TIAM2: variants seen among roughly 807,000 people sequenced by gnomAD.
TIAM2 encodes the protein rho guanine nucleotide exchange factor TIAM2.
Under a neutral mutation model 152.9 loss-of-function variants are expected in TIAM2, and 80 were observed. The observed-to-expected ratio is 0.52, with a 90% CI of 0.44 to 0.63. TIAM2 has a LOEUF of 0.63. Among genes scored for constraint, TIAM2 ranks in the 30% least tolerant of loss-of-function variants. TIAM2 has a pLI of 0.00. For missense variants in TIAM2, 1,965 were observed against 2,120.1 expected (o/e 0.93, Z 1.44); for synonymous variants, 804 against 838.0 (o/e 0.96, Z 0.70).
At chr6:155,251,498 A>T (rs1320163182) in intron 22 of TIAM2, among the ~76,000 whole-genome samples, 1 of 151,922 alleles carries the variant, frequency 6.6e-6, no homozygotes, top group African/African-American at 2.4e-5. Flanking sequence ...TGCTGGCCAG[A>T]CTGGTCTCGA....
intron 16 of TIAM2, among the ~76,000 whole-genome samples, chr6:155,242,037 G>A (rs886074668): frequency 3.9e-5 from 6 of 152,224 alleles, no homozygotes; most frequent in African/African-American, 1.4e-4. Context: ...TCAGTGACAG[G>A]CTGGCAGAGT....
intron 2 of TIAM2, 23 bp from the exon 3 acceptor site, chr6:155,127,465 GTT>G (rs978405258): frequency 9.3e-6 from 4 of 431,364 alleles, no homozygotes; most frequent in African/African-American, 8.2e-5. Context: ...GCTTCACAGA[GTT>G]TTCTTGCGTT....
intron 2 of TIAM2, among the ~76,000 whole-genome samples, chr6:155,118,862 C>CTTT (rs1377744094): frequency 2.1e-4 from 31 of 148,172 alleles, no homozygotes; most frequent in East Asian, 1.6e-3. Context: ...AATGTGTGTG[C>CTTT]TTTTTTTTTT....
At chr6:155,003,562 C>G (rs565171284) in intron 1 of TIAM2, among the ~76,000 whole-genome samples, 29 of 152,284 alleles carry the variant, frequency 1.9e-4, no homozygotes, top group African/African-American at 6.7e-4. Context: ...GTGGAAGACT[C>G]GACGCTCCCA....
chr6:155,185,753 C>T (rs1438455831), intron 14 of TIAM2, among the ~76,000 whole-genome samples: 1 of 152,160 alleles, frequency 6.6e-6, no homozygotes, highest in Non-Finnish European at 1.5e-5. Context: ...GTGGGAGCCA[C>T]TAACCCTTTC....
At chr6:155,144,861 TG>T in intron 6 of TIAM2, 83 bp downstream of exon 6, 1 of 1,428,732 alleles carries the variant, frequency 7.0e-7, no homozygotes, top group South Asian at 1.4e-5. Context: ...AACTTGGAAA[TG>T]AAATTGAATA....
At chr6:155,189,645 A>G (rs1005472042) in intron 14 of TIAM2, among the ~76,000 whole-genome samples, 3 of 152,216 alleles carry the variant, frequency 2.0e-5, no homozygotes, top group African/African-American at 7.2e-5. Flanking sequence ...TCGAAGGTAC[A>G]TAAAGGTGAA....
chr6:155,256,460 C>A (rs200250900), intron 26 of TIAM2, 24 bp from the exon 27 acceptor site: 1 of 1,613,862 alleles, frequency 6.2e-7, no homozygotes, highest in Admixed American at 1.7e-5. Context: ...TGTATCACAG[C>A]GAAATGTGTT....
chr6:155,073,197 C>G (rs1777880469), intron 1 of TIAM2, among the ~76,000 whole-genome samples: 1 of 132,748 alleles, frequency 7.5e-6, no homozygotes, highest in Non-Finnish European at 1.5e-5. Context: ...AAGTCTCGCT[C>G]TGCTGCCCAG....
At chr6:154,997,542 A>G (rs1232082089) in intron 1 of TIAM2, among the ~76,000 whole-genome samples, 1 of 151,024 alleles carries the variant, frequency 6.6e-6, no homozygotes, top group Non-Finnish European at 1.5e-5. Flanking sequence ...TATCCCCACT[A>G]CTGTACTTAG....
At chr6:155,220,595 C>G (rs577324902) in intron 15 of TIAM2, among the ~76,000 whole-genome samples, 363 of 151,610 alleles carry the variant, frequency 2.4e-3, no homozygotes, top group Admixed American at 3.5e-3. Flanking sequence ...TCCTTTCTGT[C>G]TTTGGATCAC....
chr6:155,245,376 T>G lies in TIAM2; in HGVS notation c.3544-247T>G, dbSNP rs919140448. Among the ~76,000 whole-genome samples, 5 of 152,260 alleles carry G rather than the reference T, an allele frequency of 3.3e-5. 1 individual carries two copies. The South Asian group carries it at 1.0e-3, about 31-fold the overall frequency. ...AGCTGTATTTTTGTAGAACTTTCTTTGTTTCTTGTCCTTGGATTGCACACT... is the reference window on the plus strand; with the variant it reads ...AGCTGTATTTTTGTAGAACTTTCTTGGTTTCTTGTCCTTGGATTGCACACT... On this transcript the variant is annotated intron_variant, in intron 18 of 26. Coordinates refer to ENST00000682666, the MANE Select transcript of TIAM2 (RefSeq NM_012454.4).
At chr6:155,240,771 G>A (rs755503332) in intron 16 of TIAM2, 62 bp downstream of exon 16, 4 of 1,536,272 alleles carry the variant, frequency 2.6e-6, no homozygotes, top group Non-Finnish European at 3.5e-6. Context: ...TGGTATGCTG[G>A]CAGAGGTCCC....
chr6:155,082,666 C>CAATA (rs200019932), intron 1 of TIAM2, among the ~76,000 whole-genome samples: 24,728 of 140,996 alleles, frequency 0.18, 2,335 homozygotes, highest in Middle Eastern at 0.2. Flanking sequence ...AAAAAAACCC[C>CAATA]AATAAATAAA....
intron 6 of TIAM2, among the ~76,000 whole-genome samples, chr6:155,147,176 CTTTT>C (rs3028764): frequency 7.0e-6 from 1 of 143,334 alleles, no homozygotes; most frequent in Non-Finnish European, 1.5e-5. Context: ...TTACATTGTT[CTTTT>C]TTTTTTTTTG....
chr6:155,114,037 T>TATATATATATATATATATATATATA (rs1381031482), intron 2 of TIAM2, among the ~76,000 whole-genome samples: 1 of 28,490 alleles, frequency 3.5e-5, no homozygotes, highest in Non-Finnish European at 6.9e-5. Context: ...TATATATATA[T>TATATATATATATATATATATATATA]TTTTTTTTTT....
intron 1 of TIAM2, among the ~76,000 whole-genome samples, chr6:155,054,596 T>G (rs34867296): frequency 0.42 from 63,293 of 151,298 alleles, 14,851 homozygotes; most frequent in Middle Eastern, 0.58. Flanking sequence ...TGTTTTTTTT[T>G]TTTGAGACGG....
At chr6:155,039,430 G>A (rs1776979875) in intron 1 of TIAM2, among the ~76,000 whole-genome samples, 1 of 152,090 alleles carries the variant, frequency 6.6e-6, no homozygotes, top group South Asian at 2.1e-4. Context: ...CATGGGTCTT[G>A]TCTGGAAGAC....
At chr6:155,031,161 A>G (rs953678042) in intron 1 of TIAM2, among the ~76,000 whole-genome samples, 1 of 152,150 alleles carries the variant, frequency 6.6e-6, no homozygotes, top group Non-Finnish European at 1.5e-5. Context: ...GGTCATAAAT[A>G]CTTCTCAGTG....
Sources: gnomAD v4.1 joint callset for allele counts (sites outside exome capture counted in the v4.1 genomes callset) on GRCh38, gnomAD v4.1.1 for gene constraint, MANE v1.5 for transcripts, NCBI Gene and HGNC (gene_info 2026-07-23, HGNC 2026-07-21) for gene names.